Variants in METTL24 observed in about 807,000 individuals in gnomAD.
The protein encoded by METTL24 is probable methyltransferase-like protein 24.
METTL24 carries 29 observed loss-of-function variants against 32.7 expected under a neutral mutation model. The ratio of observed to expected loss-of-function variants is 0.89; its 90% CI spans 0.66 to 1.21. The LOEUF is 1.21. Ranked by LOEUF, METTL24 falls within the 50% of genes most tolerant of loss-of-function variation. METTL24 has a pLI of 0.00. For missense variants in METTL24, 439 were observed against 468.1 expected (o/e 0.94, Z 0.57); for synonymous variants, 163 against 179.5 (o/e 0.91, Z 0.73).
intron 1 of METTL24, among the ~76,000 whole-genome samples, chr6:110,342,161 T>A (rs1253452403): frequency 6.6e-6 from 1 of 152,196 alleles, no homozygotes; most frequent in Non-Finnish European, 1.5e-5. Context: ...GCTAATGCAC[T>A]AGGAGGTCAG....
In METTL24 at chr6:110,258,537, A is replaced by G. The variant is rs530085433; in HGVS notation, c.787-12277T>C. Among the ~76,000 whole-genome samples, 5 of 152,190 alleles carry G rather than the reference A, an allele frequency of 3.3e-5. No individual in the cohort carries two copies. The South Asian group carries it at 1.0e-3, about 32-fold the overall frequency. The stretch of plus-strand genomic sequence containing the variant: ...GATGGATGGGTGGGTGGGTGGATGA[A>G]TGGATGTATGGACAAACAGACCAGA... On this transcript the variant is annotated intron_variant, in intron 4 of 4. Coordinates refer to ENST00000338882, the MANE Select transcript of METTL24 (RefSeq NM_001123364.3).
At chr6:110,265,983 C>A (rs1026079291) in intron 4 of METTL24, among the ~76,000 whole-genome samples, 1 of 151,954 alleles carries the variant, frequency 6.6e-6, no homozygotes, top group East Asian at 1.9e-4. Flanking sequence ...TCACTGCAAT[C>A]TCAAGCTCCT....
chr6:110,356,617 C>A (rs1031840787), intron 1 of METTL24, among the ~76,000 whole-genome samples: 1 of 152,180 alleles, frequency 6.6e-6, no homozygotes, highest in Non-Finnish European at 1.5e-5. Flanking sequence ...GAGCCTCCCC[C>A]ACGAGAATCT....
intron 1 of METTL24, among the ~76,000 whole-genome samples, chr6:110,333,034 C>T (rs578058993): frequency 2.0e-5 from 3 of 152,180 alleles, no homozygotes; most frequent in East Asian, 3.9e-4. Context: ...TCTCACACAC[C>T]CTGCCTCCAC....
chr6:110,278,319 C>T (rs758733201), intron 4 of METTL24, among the ~76,000 whole-genome samples: 1 of 152,170 alleles, frequency 6.6e-6, no homozygotes, highest in East Asian at 1.9e-4. Flanking sequence ...TACACGAAAG[C>T]TAGAAGAGGC....
At chr6:110,328,161 T>C (rs1194345766) in intron 1 of METTL24, among the ~76,000 whole-genome samples, 1 of 152,176 alleles carries the variant, frequency 6.6e-6, no homozygotes, top group African/African-American at 2.4e-5. Flanking sequence ...ACCCCCTCTA[T>C]TTCTAAACCA....
intron 4 of METTL24, chr6:110,253,923 C>T: frequency 6.8e-7 from 1 of 1,467,818 alleles, no homozygotes; most frequent in Non-Finnish European, 9.1e-7. Flanking sequence ...GAGGTGACTG[C>T]AGGTCCCCAG....
intron 2 of METTL24, among the ~76,000 whole-genome samples, chr6:110,315,882 G>C (rs1227706818): frequency 6.6e-6 from 1 of 152,126 alleles, no homozygotes; most frequent in African/African-American, 2.4e-5. Context: ...AGAGAACAGT[G>C]CTCACCATGC....
At chr6:110,354,086 A>C (rs1772660976) in intron 1 of METTL24, among the ~76,000 whole-genome samples, 1 of 152,206 alleles carries the variant, frequency 6.6e-6, no homozygotes, top group South Asian at 2.1e-4. Context: ...ATACACAAGA[A>C]TATATAGGTT....
intron 4 of METTL24, among the ~76,000 whole-genome samples, chr6:110,253,014 A>G (rs560066858): frequency 9.8e-5 from 15 of 152,306 alleles, no homozygotes; most frequent in African/African-American, 3.4e-4. Flanking sequence ...TGAATGACTG[A>G]TTGACTAACA....
chr6:110,350,191 A>C (rs1398869902), intron 1 of METTL24, among the ~76,000 whole-genome samples: 1 of 152,234 alleles, frequency 6.6e-6, no homozygotes, highest in African/African-American at 2.4e-5. Context: ...AAGATATTCA[A>C]AGGTGTGACC....
intron 1 of METTL24, among the ~76,000 whole-genome samples, chr6:110,342,411 T>C (rs1011445577): frequency 1.3e-5 from 2 of 152,212 alleles, no homozygotes; most frequent in African/African-American, 4.8e-5. Context: ...TGAAGACGCC[T>C]GTGCCCACAA....
chr6:110,350,694 G>A (rs1005065833), intron 1 of METTL24, among the ~76,000 whole-genome samples: 15 of 151,408 alleles, frequency 9.9e-5, no homozygotes, highest in African/African-American at 3.2e-4. Flanking sequence ...GGGAGGCCAA[G>A]GTGGGAGGAT....
chr6:110,305,721 G>A (rs1453095547), intron 3 of METTL24, among the ~76,000 whole-genome samples: 1 of 152,056 alleles, frequency 6.6e-6, no homozygotes, highest in African/African-American at 2.4e-5. Context: ...CTTTTACACT[G>A]TTGGTGGGAG....
intron 4 of METTL24, among the ~76,000 whole-genome samples, chr6:110,272,547 T>G (rs890069158): frequency 6.6e-6 from 1 of 152,266 alleles, no homozygotes; most frequent in Non-Finnish European, 1.5e-5. Flanking sequence ...ATCTCCATTC[T>G]GTTTTCCATA....
intron 4 of METTL24, among the ~76,000 whole-genome samples, chr6:110,251,069 A>G (rs1054679492): frequency 3.9e-5 from 6 of 152,206 alleles, no homozygotes; most frequent in Non-Finnish European, 7.3e-5. Flanking sequence ...TGGGAGTCAC[A>G]AACGTCACTT....
intron 3 of METTL24, among the ~76,000 whole-genome samples, chr6:110,311,108 C>T (rs1771713733): frequency 6.6e-6 from 1 of 152,118 alleles, no homozygotes; most frequent in Non-Finnish European, 1.5e-5. Flanking sequence ...GGGCCACCTT[C>T]CCTGTTCTCA....
intron 4 of METTL24, among the ~76,000 whole-genome samples, chr6:110,269,811 C>T (rs1267032197): frequency 1.3e-5 from 2 of 152,008 alleles, no homozygotes; most frequent in African/African-American, 4.8e-5. Context: ...TGTTAAAAGC[C>T]TCATTTGTTT....
At chr6:110,335,483 GA>G (rs1052572957) in intron 1 of METTL24, among the ~76,000 whole-genome samples, 2 of 146,332 alleles carry the variant, frequency 1.4e-5, no homozygotes, top group African/African-American at 5.0e-5. Context: ...AACTTACAAT[GA>G]AAAAAGCAGT....
Sources: allele counts gnomAD v4.1 joint callset (sites outside exome capture counted in the v4.1 genomes callset), GRCh38; gene constraint gnomAD v4.1.1; transcripts MANE v1.5; gene names NCBI Gene and HGNC (gene_info 2026-07-23, HGNC 2026-07-21).